SLC1A2: variants seen among roughly 807,000 people sequenced by gnomAD.
SLC1A2 encodes excitatory amino acid transporter 2.
SLC1A2 carries 15 observed loss-of-function variants against 48.8 expected under a neutral mutation model. The observed-to-expected ratio is 0.31, with a 90% CI of 0.21 to 0.47. The LOEUF (loss-of-function observed/expected upper bound fraction) is 0.47, where lower values mean the gene tolerates loss of function less well. Among genes scored for constraint, SLC1A2 ranks in the 20% least tolerant of loss-of-function variants. SLC1A2 has a pLI of 0.99. For missense variants in SLC1A2, 502 were observed against 730.5 expected (o/e 0.69, Z 3.61); for synonymous variants, 279 against 272.6 (o/e 1.02, Z -0.23).
chr11:35,411,495 C>T (rs2025110), intron 1 of SLC1A2, among the ~76,000 whole-genome samples: 104,194 of 151,498 alleles, frequency 0.69, 36,360 homozygotes, highest in African/African-American at 0.8. Context: ...GGTTGGAGTG[C>T]AGTGGTTATT....
chr11:35,297,688 C>G (rs908682977), intron 6 of SLC1A2: 1 of 151,852 alleles, frequency 6.6e-6, no homozygotes, highest in African/African-American at 2.4e-5. Context: ...AATGAGGATA[C>G]GAAAATCATA....
intron 1 of SLC1A2, among the ~76,000 whole-genome samples, chr11:35,399,016 A>G (rs1023810034): frequency 6.6e-6 from 1 of 152,182 alleles, no homozygotes; most frequent in Admixed American, 6.5e-5. Context: ...TAAGCTGCCT[A>G]TGGCTGGGTC....
chr11:35,268,262 T>C (rs1850160976), intron 9 of SLC1A2, among the ~76,000 whole-genome samples: 1 of 152,226 alleles, frequency 6.6e-6, no homozygotes, highest in African/African-American at 2.4e-5. Flanking sequence ...GAGTACCCAT[T>C]GATCTCATAA....
intron 1 of SLC1A2, among the ~76,000 whole-genome samples, chr11:35,356,060 T>C (rs1853449236): frequency 6.6e-6 from 1 of 152,316 alleles, no homozygotes; most frequent in African/African-American, 2.4e-5. Flanking sequence ...ACATGGTGCA[T>C]GGCCAACTGC....
intron 1 of SLC1A2, among the ~76,000 whole-genome samples, chr11:35,357,899 C>A (rs974626668): frequency 6.6e-6 from 1 of 152,112 alleles, no homozygotes; most frequent in Non-Finnish European, 1.5e-5. Flanking sequence ...GTAATCCCAG[C>A]GGTTTGGGAG....
chr11:35,286,559 A>G (rs1850826176), intron 8 of SLC1A2, 198 bp downstream of exon 8: 2 of 452,994 alleles, frequency 4.4e-6, no homozygotes, highest in Admixed American at 4.0e-5. Flanking sequence ...TGTGCAATAC[A>G]AACAGGAGGT....
chr11:35,358,572 T>C (rs1853563249), intron 1 of SLC1A2, among the ~76,000 whole-genome samples: 1 of 152,234 alleles, frequency 6.6e-6, no homozygotes, highest in African/African-American at 2.4e-5. Context: ...TTTTCCAGAC[T>C]TTCTCAATGT....
Position 35,265,629 on chromosome 11 carries a change from G to C in SLC1A2, c.1551C>G (p.Thr517=), listed in dbSNP as rs776103276. 1 of 1,612,194 alleles carries C rather than the reference G, an allele frequency of 6.2e-7. No individual in the cohort carries two copies. Among genetic ancestry groups the C allele is most frequent in the East Asian group, 2.2e-5 (1 of 44,878 alleles). ...QHRVHEDIEM[T]KTQSIYDDMK... ...TGTCATCATAAATGGATTGAGTCTTGGTCATTTCAATATCTTCATGCACTC... is the reference window on the plus strand; with the variant it reads ...TGTCATCATAAATGGATTGAGTCTTCGTCATTTCAATATCTTCATGCACTC... Residue 517 remains threonine (T), a synonymous_variant, in exon 10 of 11, where the codon ACC becomes ACG. Transcript: ENST00000278379.
chr11:35,267,068 C>T lies in SLC1A2; in HGVS notation c.1422-1310G>A, dbSNP rs1052630368. Among the ~76,000 whole-genome samples, 142 of 152,308 alleles carry T rather than the reference C, an allele frequency of 9.3e-4. No individual in the cohort carries two copies. In the Middle Eastern group the frequency reaches 0.014, roughly 15 times the overall value. ...ATCTCTCCATCTGAGAATGCTCTTG[C>T]GCCTCTTCTGCTTTGGAGAATCTGC... On this transcript the variant is annotated intron_variant, in intron 9 of 10. Transcript: ENST00000278379.
chr11:35,264,356 A>G (rs1950444578), intron 10 of SLC1A2, among the ~76,000 whole-genome samples: 1 of 152,212 alleles, frequency 6.6e-6, no homozygotes, highest in Non-Finnish European at 1.5e-5. Flanking sequence ...TAGTGATTAA[A>G]TGTGACCTTG....
chr11:35,385,465 A>T (rs554869471), intron 1 of SLC1A2, among the ~76,000 whole-genome samples: 1 of 152,328 alleles, frequency 6.6e-6, no homozygotes, highest in South Asian at 2.1e-4. Flanking sequence ...CAGGTTTTGT[A>T]GTGTTTTGCC....
chr11:35,329,625 G>T (rs112708125), intron 1 of SLC1A2, among the ~76,000 whole-genome samples: 5 of 152,282 alleles, frequency 3.3e-5, no homozygotes, highest in African/African-American at 1.2e-4. Flanking sequence ...CATCTGGATG[G>T]GGCCTAGACC....
intron 1 of SLC1A2, among the ~76,000 whole-genome samples, chr11:35,331,833 C>A (rs1180546984): frequency 3.3e-5 from 5 of 152,188 alleles, no homozygotes; most frequent in Non-Finnish European, 7.3e-5. Context: ...CTTAACGTTG[C>A]ACAATTCATC....
intron 7 of SLC1A2, among the ~76,000 whole-genome samples, chr11:35,288,447 G>A (rs540359303): frequency 1.3e-5 from 2 of 152,298 alleles, no homozygotes; most frequent in African/African-American, 2.4e-5. Context: ...TTAATGAGAA[G>A]TCAGTGTCCC....
intron 1 of SLC1A2, among the ~76,000 whole-genome samples, chr11:35,319,879 T>A (rs1852002286): frequency 6.6e-6 from 1 of 152,162 alleles, no homozygotes; most frequent in African/African-American, 2.4e-5. Context: ...CCTCTTGGAA[T>A]TAAACAGATA....
At chr11:35,302,916 A>C (rs1055222397) in intron 5 of SLC1A2, among the ~76,000 whole-genome samples, 1 of 149,096 alleles carries the variant, frequency 6.7e-6, no homozygotes, top group African/African-American at 2.5e-5. Flanking sequence ...AGTTCTTACT[A>C]CTTACATGTT....
At chr11:35,396,696 T>C (rs1854970670) in intron 1 of SLC1A2, among the ~76,000 whole-genome samples, 1 of 152,206 alleles carries the variant, frequency 6.6e-6, no homozygotes, top group South Asian at 2.1e-4. Context: ...ATCCCATTTG[T>C]CAATTTTTTC....
At chr11:35,416,379 A>G (rs1026331450) in intron 1 of SLC1A2, among the ~76,000 whole-genome samples, 5 of 152,234 alleles carry the variant, frequency 3.3e-5, no homozygotes, top group African/African-American at 1.2e-4. Flanking sequence ...TTCCCTATAT[A>G]TAATTTTATC....
chr11:35,408,560 G>A (rs1855369268), intron 1 of SLC1A2, among the ~76,000 whole-genome samples: 1 of 152,198 alleles, frequency 6.6e-6, no homozygotes, highest in African/African-American at 2.4e-5. Flanking sequence ...GGCCTCCTCA[G>A]CCATGTGGAA....
Sources: allele counts gnomAD v4.1 joint callset (sites outside exome capture counted in the v4.1 genomes callset), GRCh38; gene constraint gnomAD v4.1.1; transcripts MANE v1.5; gene names NCBI Gene and HGNC (gene_info 2026-07-23, HGNC 2026-07-21).